The following CENPP variants were observed in gnomAD, a reference collection of about 807,000 sequenced individuals.
CENPP encodes centromere protein P.
Under a neutral mutation model 35.6 loss-of-function variants are expected in CENPP, and 24 were observed. The observed-to-expected ratio is 0.67, with a 90% CI of 0.49 to 0.95. CENPP has a LOEUF of 0.95. Ranked by LOEUF, CENPP falls within the 40% of genes least tolerant of loss-of-function variation. The pLI is 0.00. For missense variants in CENPP, 332 were observed against 345.3 expected (o/e 0.96, Z 0.31); for synonymous variants, 120 against 125.5 (o/e 0.96, Z 0.29).
chr9:92,431,013 C>G (rs1844094228), intron 5 of CENPP, among the ~76,000 whole-genome samples: 1 of 152,108 alleles, frequency 6.6e-6, no homozygotes, highest in Non-Finnish European at 1.5e-5. Flanking sequence ...CCAGGATGGT[C>G]TCGATCTCTT....
intron 5 of CENPP, chr9:92,474,998 A>G (rs1845666287): frequency 2.9e-6 from 4 of 1,376,440 alleles, no homozygotes; most frequent in Admixed American, 7.2e-5. Flanking sequence ...AGTTCTGGCA[A>G]GAGTGCAATG....
chr9:92,363,528 C>A (rs1841815215), intron 4 of CENPP, among the ~76,000 whole-genome samples: 1 of 152,122 alleles, frequency 6.6e-6, no homozygotes, highest in South Asian at 2.1e-4. Context: ...CCTCGGTTTG[C>A]AGTAGGCTGT....
intron 5 of CENPP, chr9:92,403,789 A>T: frequency 1.9e-6 from 1 of 538,984 alleles, no homozygotes; most frequent in Non-Finnish European, 2.4e-6. Flanking sequence ...GTTAAAATAA[A>T]GTCCCAAGAT....
chr9:92,591,507 A>C (rs1850663734), intron 5 of CENPP, among the ~76,000 whole-genome samples: 2 of 151,696 alleles, frequency 1.3e-5, no homozygotes. Flanking sequence ...TGTCAATCCT[A>C]ACTCAAGAAA....
intron 5 of CENPP, among the ~76,000 whole-genome samples, chr9:92,500,335 A>G (rs537484336): frequency 9.9e-5 from 15 of 152,196 alleles, no homozygotes; most frequent in Admixed American, 3.3e-4. Flanking sequence ...GACACGCACC[A>G]CCACGCCCTG....
intron 5 of CENPP, chr9:92,512,137 C>A (rs374663122): frequency 6.2e-7 from 1 of 1,600,980 alleles, no homozygotes. Context: ...CTAGGACACA[C>A]AGCGGTTATG....
At chr9:92,415,350 A>G (rs1843559768) in intron 5 of CENPP, 1 of 1,613,658 alleles carries the variant, frequency 6.2e-7, no homozygotes, top group South Asian at 1.1e-5. Context: ...TAGTGTGTAT[A>G]TGAGGGAAGC....
At chr9:92,431,896 A>AT (rs972941190) in intron 5 of CENPP, among the ~76,000 whole-genome samples, 8 of 152,044 alleles carry the variant, frequency 5.3e-5, no homozygotes, top group Non-Finnish European at 1.0e-4. Context: ...CTATTATGTA[A>AT]TTTTTTTAAA....
intron 5 of CENPP, chr9:92,416,967 G>A (rs1843633043): frequency 6.2e-7 from 1 of 1,613,790 alleles, no homozygotes; most frequent in East Asian, 2.2e-5. Flanking sequence ...GAATCATGAA[G>A]ATAATTATAA....
intron 5 of CENPP, among the ~76,000 whole-genome samples, chr9:92,426,644 T>G (rs1843975636): frequency 6.6e-6 from 1 of 152,164 alleles, no homozygotes; most frequent in Non-Finnish European, 1.5e-5. Flanking sequence ...ATGTGGGGAC[T>G]GGAATGGAAC....
At chr9:92,358,948 C>G (rs1357691214) in intron 4 of CENPP, among the ~76,000 whole-genome samples, 1 of 104,532 alleles carries the variant, frequency 9.6e-6, no homozygotes, top group African/African-American at 4.9e-5. Flanking sequence ...TTTTTTCTTT[C>G]TTTCTTTTTT....
At chr9:92,546,796 T>TA (rs552815492) in intron 5 of CENPP, among the ~76,000 whole-genome samples, 61 of 152,282 alleles carry the variant, frequency 4.0e-4, no homozygotes, top group African/African-American at 1.4e-3. Flanking sequence ...ATAATTTCTT[T>TA]AAAAAAACAA....
chr9:92,516,221 T>C (rs1411588708), intron 5 of CENPP, among the ~76,000 whole-genome samples: 1 of 151,938 alleles, frequency 6.6e-6, no homozygotes, highest in Non-Finnish European at 1.5e-5. Flanking sequence ...CCCACCACCA[T>C]GCCAGGCTAA....
chr9:92,352,466 C>A, intron 4 of CENPP, among the ~76,000 whole-genome samples: 3 of 63,188 alleles, frequency 4.7e-5, no homozygotes, highest in Admixed American at 1.5e-4. Flanking sequence ...TTGCTTAAAG[C>A]CTGTGTGTGT....
intron 5 of CENPP, among the ~76,000 whole-genome samples, chr9:92,521,127 C>A (rs1032969462): frequency 3.5e-4 from 54 of 152,114 alleles, no homozygotes; most frequent in Non-Finnish European, 1.3e-4. Flanking sequence ...GTGATACAAT[C>A]AAAAAGTACT....
At chr9:92,330,163 A>G (rs1840696266) in intron 1 of CENPP, among the ~76,000 whole-genome samples, 1 of 152,226 alleles carries the variant, frequency 6.6e-6, no homozygotes, top group African/African-American at 2.4e-5. Flanking sequence ...GTAAGTCCAG[A>G]TGTCAGGCAA....
intron 1 of CENPP, among the ~76,000 whole-genome samples, chr9:92,327,504 G>C (rs558279124): frequency 6.6e-6 from 1 of 152,148 alleles, no homozygotes; most frequent in Admixed American, 6.5e-5. Context: ...CACCTGTACT[G>C]AATAAAAATG....
At chr9:92,334,343 T>C (rs1039422532) in intron 2 of CENPP, among the ~76,000 whole-genome samples, 7 of 152,096 alleles carry the variant, frequency 4.6e-5, no homozygotes, top group African/African-American at 1.7e-4. Context: ...ATGATCTTGA[T>C]CTCCTGACCT....
intron 5 of CENPP, among the ~76,000 whole-genome samples, chr9:92,548,541 A>G (rs955393181): frequency 2.0e-5 from 3 of 152,222 alleles, no homozygotes. Context: ...TTGGAAATAT[A>G]TTTTAATAAA....
Sources: gnomAD v4.1 joint callset for allele counts (sites outside exome capture counted in the v4.1 genomes callset) on GRCh38, gnomAD v4.1.1 for gene constraint, MANE v1.5 for transcripts, NCBI Gene and HGNC (gene_info 2026-07-23, HGNC 2026-07-21) for gene names.